ACVR2A: variants seen among roughly 807,000 people sequenced by gnomAD.
ACVR2A encodes activin receptor type-2A.
In ACVR2A, 7 loss-of-function variants were observed where a neutral mutation model predicts 61.4. That is an observed-to-expected ratio of 0.11 (90% CI 0.06 to 0.21). The LOEUF (loss-of-function observed/expected upper bound fraction) is 0.21, where lower values mean the gene tolerates loss of function less well. ACVR2A is among the 10% of genes least tolerant of loss of function. The pLI is 1.00. For synonymous variants in ACVR2A, 193 were observed against 208.3 expected (o/e 0.93, Z 0.63); for missense variants, 322 against 621.7 (o/e 0.52, Z 5.13).
chr2:147,891,658 G>A (rs979035093), intron 1 of ACVR2A, among the ~76,000 whole-genome samples: 2 of 152,092 alleles, frequency 1.3e-5, no homozygotes, highest in African/African-American at 4.8e-5. Flanking sequence ...AAGTTTTAAT[G>A]CAACATAATC....
At position 147,890,364 on chromosome 2, in the gene ACVR2A, G is replaced by A. The variant is rs567762581; in HGVS notation, c.56-5937G>A. Among the ~76,000 whole-genome samples, 47 of 151,908 alleles carry A rather than the reference G, an allele frequency of 3.1e-4. 1 individual carries two copies. Among genetic ancestry groups the A allele is most frequent in the Middle Eastern group, 3.4e-3 (1 of 292 alleles). On this transcript the variant is annotated intron_variant, in intron 1 of 10. Coordinates refer to ENST00000241416, the MANE Select transcript of ACVR2A (RefSeq NM_001616.5). Reference sequence around the variant, plus strand: ...ATAGTGTGTGTGTGTGTGTGTGTGTGTGTGTATACACACATACATGTACTC... The same window carrying A: ...ATAGTGTGTGTGTGTGTGTGTGTGTATGTGTATACACACATACATGTACTC...
intron 9 of ACVR2A, chr2:147,925,752 T>C: frequency 3.3e-6 from 1 of 306,316 alleles, no homozygotes; most frequent in Non-Finnish European, 6.0e-6. Context: ...TTATGTCCTC[T>C]GTGCAGATGG....
chr2:147,877,665 C>G (rs1337409109), intron 1 of ACVR2A: 2 of 152,064 alleles, frequency 1.3e-5, no homozygotes, highest in East Asian at 1.9e-4. Context: ...AACAATTTTT[C>G]TTATTTTATT....
At chr2:147,894,760 G>A (rs933385417) in intron 1 of ACVR2A, among the ~76,000 whole-genome samples, 1 of 152,046 alleles carries the variant, frequency 6.6e-6, no homozygotes, top group Non-Finnish European at 1.5e-5. Flanking sequence ...CTTGTTAGTT[G>A]CCTTTCTTGA....
At chr2:147,897,997 CT>C (rs1378738221) in intron 2 of ACVR2A, among the ~76,000 whole-genome samples, 2 of 152,058 alleles carry the variant, frequency 1.3e-5, no homozygotes, top group Non-Finnish European at 2.9e-5. Flanking sequence ...GATTCCTATT[CT>C]TTTTTGTAGT....
At chr2:147,889,020 T>C (rs2105180625) in intron 1 of ACVR2A, among the ~76,000 whole-genome samples, 2 of 152,152 alleles carry the variant, frequency 1.3e-5, no homozygotes, top group Admixed American at 1.3e-4. Context: ...TTATTGTGAA[T>C]AATATTCAAT....
intron 1 of ACVR2A, among the ~76,000 whole-genome samples, chr2:147,875,786 T>C (rs975065025): frequency 1.3e-5 from 2 of 152,094 alleles, no homozygotes; most frequent in Non-Finnish European, 2.9e-5. Context: ...CTGAAGATGA[T>C]ATTAGCACAG....
chr2:147,896,551 T>C, intron 2 of ACVR2A, 43 bp downstream of exon 2: 5 of 1,567,330 alleles, frequency 3.2e-6, no homozygotes, highest in Non-Finnish European at 4.4e-6. Context: ...TGAGTAATTT[T>C]CACACTTCCC....
chr2:147,926,218 A>G, intron 10 of ACVR2A, 57 bp downstream of exon 10: 1 of 1,570,226 alleles, frequency 6.4e-7, no homozygotes, highest in Non-Finnish European at 8.7e-7. Context: ...TTTCAGAGGA[A>G]TTATTTATCT....
At chr2:147,861,199 T>G (rs1436930701) in intron 1 of ACVR2A, among the ~76,000 whole-genome samples, 2 of 152,222 alleles carry the variant, frequency 1.3e-5, no homozygotes, top group African/African-American at 4.8e-5. Context: ...CTGAACTATT[T>G]ATTGAATACG....
At chr2:147,890,506 T>C (rs1346930674) in intron 1 of ACVR2A, among the ~76,000 whole-genome samples, 3 of 152,164 alleles carry the variant, frequency 2.0e-5, no homozygotes, top group Admixed American at 6.5e-5. Context: ...CTCAGACATA[T>C]GAATGTGAGA....
At chr2:147,905,788 T>TA (rs1318539446) in intron 4 of ACVR2A, among the ~76,000 whole-genome samples, 4 of 152,136 alleles carry the variant, frequency 2.6e-5, no homozygotes, top group Non-Finnish European at 5.9e-5. Context: ...TTATTCCACT[T>TA]ACAAATGCTC....
At chr2:147,913,347 C>A (rs1302312842) in intron 4 of ACVR2A, among the ~76,000 whole-genome samples, 1 of 151,780 alleles carries the variant, frequency 6.6e-6, no homozygotes, top group African/African-American at 2.4e-5. Flanking sequence ...ATTCCCTCTA[C>A]CTAGTTATTT....
In ACVR2A at chr2:147,845,114, A is replaced by G. The variant is rs751941904; in HGVS notation, c.-39A>G. On this transcript the variant is annotated 5_prime_UTR_variant, in exon 1 of 11. Transcript: ENST00000241416. ...GGAAGACCCAGGGAACTGGATATCT[A>G]GCGAGAACTTCCTCCGGATTCCCCG... The G allele has an allele frequency of 3.8e-6, 6 of 1,587,536 alleles. No individual in the cohort carries two copies. In the East Asian group the frequency reaches 1.2e-4, roughly 31 times the overall value.
At chr2:147,855,905 C>G (rs1195218186) in intron 1 of ACVR2A, among the ~76,000 whole-genome samples, 2 of 152,048 alleles carry the variant, frequency 1.3e-5, no homozygotes, top group Non-Finnish European at 2.9e-5. Flanking sequence ...TTTCAGGTGT[C>G]TATTTTTTTC....
At chr2:147,877,564 G>A (rs974146373) in intron 1 of ACVR2A, 15 of 152,132 alleles carry the variant, frequency 9.9e-5, no homozygotes, top group African/African-American at 3.6e-4. Flanking sequence ...CTCTTCCACT[G>A]TTGAATTTAA....
At chr2:147,883,555 T>A (rs1686361360) in intron 1 of ACVR2A, among the ~76,000 whole-genome samples, 1 of 151,584 alleles carries the variant, frequency 6.6e-6, no homozygotes, top group Non-Finnish European at 1.5e-5. Context: ...GACATTGAGA[T>A]TTTTTTTTAA....
upstream of ACVR2A, chr2:147,844,923 C>T (rs1685259166): frequency 1.1e-5 from 5 of 459,470 alleles, no homozygotes; most frequent in Non-Finnish European, 1.8e-5. Flanking sequence ...GTGTGTGTGG[C>T]GGTTTTTCCC....
chr2:147,912,655 G>A (rs2105210331), intron 4 of ACVR2A, among the ~76,000 whole-genome samples: 1 of 151,964 alleles, frequency 6.6e-6, no homozygotes, highest in South Asian at 2.1e-4. Flanking sequence ...TATAGGATGA[G>A]TGAAACTTAC....
Sources: gnomAD v4.1 joint callset for allele counts (sites outside exome capture counted in the v4.1 genomes callset) on GRCh38, gnomAD v4.1.1 for gene constraint, MANE v1.5 for transcripts, NCBI Gene and HGNC (gene_info 2026-07-23, HGNC 2026-07-21) for gene names.